Variants in NDC80 observed in about 807,000 individuals in gnomAD.
NDC80 encodes the protein NDC80 kinetochore complex component, also known as kinetochore protein NDC80 homolog.
A neutral mutation model predicts 89.3 loss-of-function variants in NDC80; 69 were observed. The observed-to-expected ratio is 0.77, with a 90% CI of 0.64 to 0.94. The LOEUF is 0.94. Among genes scored for constraint, NDC80 ranks in the 40% least tolerant of loss-of-function variants. The pLI, the probability that NDC80 is intolerant of heterozygous loss-of-function variation, is 0.00. For missense variants in NDC80, 593 were observed against 739.6 expected (o/e 0.80, Z 2.30); for synonymous variants, 243 against 255.6 (o/e 0.95, Z 0.47).
At chr18:2,611,675 A>G (rs1460742572) in intron 16 of NDC80, among the ~76,000 whole-genome samples, 4 of 152,198 alleles carry the variant, frequency 2.6e-5, no homozygotes, top group African/African-American at 9.6e-5. Flanking sequence ...CCTGCTGCAC[A>G]GAGCCCCAGA....
At chr18:2,591,566 T>C (rs2072627640) in intron 10 of NDC80, among the ~76,000 whole-genome samples, 1 of 151,532 alleles carries the variant, frequency 6.6e-6, no homozygotes, top group African/African-American at 2.4e-5. Flanking sequence ...ATTTGCTGAA[T>C]CTGTTTTTTT....
intron 11 of NDC80, among the ~76,000 whole-genome samples, chr18:2,597,595 G>A (rs2072663382): frequency 6.6e-6 from 1 of 152,094 alleles, no homozygotes; most frequent in African/African-American, 2.4e-5. Flanking sequence ...GCCAGGTGTG[G>A]TGGCACCTGC....
At chr18:2,573,506 A>G (rs1370365614) in intron 2 of NDC80, among the ~76,000 whole-genome samples, 1 of 152,228 alleles carries the variant, frequency 6.6e-6, no homozygotes, top group Non-Finnish European at 1.5e-5. Context: ...GTAGCAGCCT[A>G]CAAAACACCA....
chr18:2,615,845 G>A (rs542805274), intron 16 of NDC80, among the ~76,000 whole-genome samples: 1 of 152,106 alleles, frequency 6.6e-6, no homozygotes, highest in South Asian at 2.1e-4. Flanking sequence ...TGATAAATAC[G>A]AAGGTGAAAA....
rs894868540 is a variant in NDC80 at position 2,572,892 on chromosome 18, G to C, written c.-9-85G>C. 3.5e-5 allele frequency: 33 copies of C among 940,156 alleles called. No individual in the cohort carries two copies. In the East Asian group the frequency reaches 7.9e-4, roughly 23 times the overall value. The allele number at this position is 940,156 out of a possible 1,614,324, so 58.2% of individuals were successfully genotyped here. On this transcript the variant is annotated intron_variant, in intron 1 of 16. Coordinates refer to ENST00000261597, the MANE Select transcript of NDC80 (RefSeq NM_006101.3). ...CTTGAAGAAACAATGAAACCTGACT[G>C]TCTTTCTGTTTAAGGATAAATAGTT...
chr18:2,608,378 G>C (rs955484136), intron 14 of NDC80, among the ~76,000 whole-genome samples: 2 of 151,616 alleles, frequency 1.3e-5, no homozygotes, highest in Non-Finnish European at 2.9e-5. Flanking sequence ...ACTAATTTTT[G>C]TATTTTTAGT....
intron 15 of NDC80, among the ~76,000 whole-genome samples, chr18:2,609,607 T>G (rs2072732034): frequency 6.6e-6 from 1 of 152,170 alleles, no homozygotes; most frequent in Non-Finnish European, 1.5e-5. Context: ...AAATACATAA[T>G]GCTACAATAA....
intron 15 of NDC80, 32 bp from the exon 16 acceptor site, chr18:2,610,726 TG>T: frequency 6.8e-7 from 1 of 1,468,444 alleles, no homozygotes; most frequent in Non-Finnish European, 9.3e-7. Flanking sequence ...ATTTTTTTCC[TG>T]GACAACTTAA....
chr18:2,589,358 T>C (rs1211851094), intron 9 of NDC80, 48 bp downstream of exon 9: 1 of 1,283,522 alleles, frequency 7.8e-7, no homozygotes, highest in South Asian at 1.3e-5. Flanking sequence ...TTTAGACTTT[T>C]GGGTGTCCTT....
At position 2,601,504 on chromosome 18, in the gene NDC80, A is replaced by G. The variant is rs1327387863; in HGVS notation, c.1464+19A>G. ...AGAACAAGTAAGTAATAAAACATAA[A>G]AAGTCATAAAAAGTGAAAATTAGAT... On this transcript the variant is annotated intron_variant, in intron 13 of 16. Transcript: ENST00000261597. 12 of 1,089,682 alleles carry G rather than the reference A, an allele frequency of 1.1e-5. No individual in the cohort carries two copies. Among genetic ancestry groups the G allele is most frequent in the Non-Finnish European group, 1.4e-5 (11 of 782,290 alleles). The allele number at this position is 1,089,682 out of a possible 1,614,324, so 67.5% of individuals were successfully genotyped here.
chr18:2,587,378 C>G (rs935419785), intron 7 of NDC80, among the ~76,000 whole-genome samples: 3 of 152,102 alleles, frequency 2.0e-5, no homozygotes, highest in Non-Finnish European at 4.4e-5. Flanking sequence ...GTAATTGTAG[C>G]CTTCATTAAT....
At chr18:2,604,971 A>C (rs959457293) in intron 13 of NDC80, among the ~76,000 whole-genome samples, 24 of 152,242 alleles carry the variant, frequency 1.6e-4, no homozygotes, top group African/African-American at 5.3e-4. Context: ...TATACAGTGA[A>C]TAGTAAATGG....
At chr18:2,597,979 G>T (rs1451427067) in intron 11 of NDC80, among the ~76,000 whole-genome samples, 1 of 152,092 alleles carries the variant, frequency 6.6e-6, no homozygotes, top group Admixed American at 6.5e-5. Flanking sequence ...TATATATATG[G>T]GTCTGGACCT....
At chr18:2,600,333 G>A (rs921255427) in intron 12 of NDC80, among the ~76,000 whole-genome samples, 4 of 152,108 alleles carry the variant, frequency 2.6e-5, no homozygotes, top group Non-Finnish European at 4.4e-5. Context: ...TTGAGAGGCC[G>A]GGCAAGGTGG....
Position 2,607,965 on chromosome 18 carries a change from GTATATATATATATATA to G in NDC80, c.1558-716_1558-701del, listed in dbSNP as rs3033372. ...TGTTTTTATTTTACATATATACATA[GTATATATATATATATA>G]TATATATATATATATATAACTTATT... On this transcript the variant is annotated intron_variant, in intron 14 of 16. Coordinates refer to ENST00000261597, the MANE Select transcript of NDC80 (RefSeq NM_006101.3). 6.4e-3 allele frequency among the ~76,000 whole-genome samples: 435 copies of G among 68,142 alleles called. 8 individuals carry two copies. The highest frequency in any genetic ancestry group is 0.015 in the African/African-American group (266 of 17,750). The allele number at this position is 68,142 out of a possible 152,430, so 44.7% of individuals were successfully genotyped here. A position where few individuals can be genotyped will look rare whatever the true frequency, so the allele number is the denominator to read the frequency against.
chr18:2,580,902 G>A (rs548353164), intron 6 of NDC80, among the ~76,000 whole-genome samples: 78 of 151,586 alleles, frequency 5.1e-4, no homozygotes, highest in Admixed American at 1.3e-3. Context: ...CATCACATCC[G>A]GCTAATTTTT....
intron 15 of NDC80, among the ~76,000 whole-genome samples, chr18:2,610,279 T>C (rs573428519): frequency 6.3e-4 from 96 of 152,380 alleles, no homozygotes; most frequent in African/African-American, 1.8e-3. Context: ...AAAAATTTTC[T>C]ATTTTGAGAT....
chr18:2,572,733 C>G (rs1188272728), intron 1 of NDC80, among the ~76,000 whole-genome samples: 1 of 152,078 alleles, frequency 6.6e-6, no homozygotes, highest in East Asian at 1.9e-4. Flanking sequence ...AGCACACTCC[C>G]CTATATATAT....
intron 5 of NDC80, among the ~76,000 whole-genome samples, chr18:2,578,422 A>G (rs556145839): frequency 6.6e-6 from 1 of 152,352 alleles, no homozygotes; most frequent in East Asian, 1.9e-4. Flanking sequence ...TTTGTTTAAA[A>G]AAAAACTACT....
Sources: allele counts gnomAD v4.1 joint callset (sites outside exome capture counted in the v4.1 genomes callset), GRCh38; gene constraint gnomAD v4.1.1; transcripts MANE v1.5; gene names NCBI Gene and HGNC (gene_info 2026-07-23, HGNC 2026-07-21).